Variants in NAGA observed in about 807,000 individuals in gnomAD.
The protein encoded by NAGA is Acetylgalactosaminidase, alpha-N- (alpha-galactosidase B).
A neutral mutation model predicts 45.6 loss-of-function variants in NAGA; 42 were observed. The ratio of observed to expected loss-of-function variants is 0.92; its 90% CI spans 0.72 to 1.19. The LOEUF (loss-of-function observed/expected upper bound fraction) is 1.19. NAGA is among the 50% of genes most tolerant of loss of function. The probability of loss-of-function intolerance (pLI) is 0.00; values close to 1 mark genes in which losing one functional copy is unlikely to be tolerated. For missense variants in NAGA, 493 were observed against 544.8 expected (o/e 0.90, Z 0.95); for synonymous variants, 176 against 203.1 (o/e 0.87, Z 1.13).
chr22:42,059,918 ACTC>A lies in NAGA; in HGVS notation c.*358_*360del. 1 of 337,568 alleles carries A rather than the reference ACTC, an allele frequency of 3.0e-6. No homozygotes were observed. Among genetic ancestry groups the A allele is most frequent in the Non-Finnish European group, 5.8e-6 (1 of 171,102 alleles). The allele number at this position is 337,568 out of a possible 1,614,324, so 20.9% of individuals were successfully genotyped here. ...TCCTGGCAAGAGGTCAGATCTCTCT[ACTC>A]CTAATTCGAAAACTTCCAAATCCTG... On this transcript the variant is annotated 3_prime_UTR_variant, in exon 9 of 9. Transcript: ENST00000396398.
Position 42,058,499 on chromosome 22 carries a change from AAT to A in NAGA, c.*1778_*1779del, listed in dbSNP as rs912022555. ...AGTCTGTATTTAACTGAAAAAAAAAAATAATTGCATTCCTAACTGGCCTTGAA... is the reference window on the plus strand; with the variant it reads ...AGTCTGTATTTAACTGAAAAAAAAAAAATTGCATTCCTAACTGGCCTTGAA... On this transcript the variant is annotated 3_prime_UTR_variant, in exon 9 of 9. Transcript: ENST00000396398. 1.3e-4 allele frequency: 20 copies of A among 150,898 alleles called. No individual in the cohort carries two copies. The highest frequency in any genetic ancestry group is 4.2e-4 in the African/African-American group (17 of 40,230). The allele number at this position is 150,898 out of a possible 1,614,324, so 9.3% of individuals were successfully genotyped here. A position where few individuals can be genotyped will look rare whatever the true frequency, so the allele number is the denominator to read the frequency against.
Position 42,070,598 on chromosome 22 carries a change from C to G in NAGA, c.-301G>C. Reference sequence around the variant, plus strand: ...GGAGTCCCGAGGGCCTACGGGCCGCCTTCGGCCCCGCCCGGGCTCAGAAAA... The same window carrying G: ...GGAGTCCCGAGGGCCTACGGGCCGCGTTCGGCCCCGCCCGGGCTCAGAAAA... On this transcript the variant is annotated 5_prime_UTR_variant, in exon 1 of 9. Coordinates refer to ENST00000396398, the MANE Select transcript of NAGA (RefSeq NM_000262.3). 1 of 538,456 alleles carries G rather than the reference C, an allele frequency of 1.9e-6. No homozygotes were observed. The highest frequency in any genetic ancestry group is 3.4e-6 in the Non-Finnish European group (1 of 298,284). 33.4% of individuals were successfully genotyped at this position (538,456 alleles called of 1,614,324 possible). A position where few individuals can be genotyped will look rare whatever the true frequency, so the allele number is the denominator to read the frequency against.
rs133375 is a variant in NAGA at position 42,070,505 on chromosome 22, C to G, written c.-208G>C. The G allele has an allele frequency of 0.65, 432,814 of 661,182 alleles. 143,710 individuals are homozygous for G. Among genetic ancestry groups the G allele is most frequent in the East Asian group, 0.85 (31,092 of 36,756 alleles). The allele number at this position is 661,182 out of a possible 1,614,324, so 41.0% of individuals were successfully genotyped here. A position where few individuals can be genotyped will look rare whatever the true frequency, so the allele number is the denominator to read the frequency against. On this transcript the variant is annotated 5_prime_UTR_variant, in exon 1 of 9. Transcript: ENST00000396398. ...CCCCAGCCATCACTTCCCGGAGCTT[C>G]AGTTCTTCCTTCAGAAATACGAAAC...
chr22:42,061,014 G>A lies in NAGA; in HGVS notation c.1011C>T (p.Ala337=). The A allele has an allele frequency of 6.2e-7, 1 of 1,614,240 alleles. No homozygotes were observed. Among genetic ancestry groups the A allele is most frequent in the Non-Finnish European group, 8.5e-7 (1 of 1,180,042 alleles). ...YMRPLSNKAS[A]LVFFSCRTDM... ...CGGTCCTGCAGCTGAAGAAGACTAAGGCGCTAGCCTTGTTGGACAGAGGCC... is the reference window on the plus strand; with the variant it reads ...CGGTCCTGCAGCTGAAGAAGACTAAAGCGCTAGCCTTGTTGGACAGAGGCC... Residue 337 remains alanine, a synonymous_variant, in exon 8 of 9, where the codon GCC becomes GCT. Transcript: ENST00000396398.
At chr22:42,067,378 C>T in intron 3 of NAGA, 88 bp from the exon 4 acceptor site, 1 of 1,523,766 alleles carries the variant, frequency 6.6e-7, no homozygotes, top group Non-Finnish European at 9.0e-7. Flanking sequence ...ATTAAACCTC[C>T]AGTGGCTCCC....
intron 6 of NAGA, among the ~76,000 whole-genome samples, chr22:42,064,203 G>A (rs1926578429): frequency 1.3e-5 from 2 of 151,898 alleles, no homozygotes; most frequent in Admixed American, 6.6e-5. Flanking sequence ...AGCCAGGCGT[G>A]GTGGCGCATG....
At chr22:42,069,887 C>T (rs1210768200) in intron 1 of NAGA, among the ~76,000 whole-genome samples, 2 of 152,226 alleles carry the variant, frequency 1.3e-5, no homozygotes, top group Non-Finnish European at 2.9e-5. Context: ...CTCTCTACCA[C>T]AGACCCTCAA....
intron 6 of NAGA, 98 bp from the exon 7 acceptor site, chr22:42,063,122 A>G: frequency 8.1e-7 from 1 of 1,240,894 alleles, no homozygotes; most frequent in Non-Finnish European, 1.1e-6. Context: ...GCAATTAGGG[A>G]TTAGGGAAAG....
rs779401359 is a variant in NAGA, at chr22:42,068,551, G to A, written c.40C>T (p.Gln14Ter). ...AGCCCATTGTCCAGCATCAGCACCT[G>A]GGCCACATGTCCCAGCAAGAGCACT... ...KTVLLLGHVA[Q>*]VLMLDNGLLQ... The change falls in exon 2 of 9, where the codon CAG becomes TAG. Residue 14 changes from glutamine (Q) to a stop codon, truncating the protein, a stop_gained. Transcript: ENST00000396398. LOFTEE classifies it high-confidence loss of function. The A allele has an allele frequency of 1.9e-6, 3 of 1,614,142 alleles. No individual in the cohort carries two copies. Among genetic ancestry groups the A allele is most frequent in the Non-Finnish European group, 2.5e-6 (3 of 1,180,026 alleles).
In NAGA at chr22:42,059,955, G is replaced by A. The variant is rs1267280963; in HGVS notation, c.*324C>T. On this transcript the variant is annotated 3_prime_UTR_variant, in exon 9 of 9. Transcript: ENST00000396398. The stretch of plus-strand genomic sequence containing the variant: ...AAAACTTCCAAATCCTGATTTCAGA[G>A]TCAACAGCAAGGTCAGAGGCTAGAG... 1 of 374,876 alleles carries A rather than the reference G, an allele frequency of 2.7e-6. No individual in the cohort carries two copies. Among genetic ancestry groups the A allele is most frequent in the East Asian group, 6.1e-5 (1 of 16,522 alleles). 23.2% of individuals were successfully genotyped at this position (374,876 alleles called of 1,614,324 possible). A position where few individuals can be genotyped will look rare whatever the true frequency, so the allele number is the denominator to read the frequency against.
At chr22:42,063,827 G>C (rs1333495536) in intron 6 of NAGA, among the ~76,000 whole-genome samples, 2 of 152,128 alleles carry the variant, frequency 1.3e-5, no homozygotes, top group African/African-American at 2.4e-5. Context: ...ACAGAGGCAG[G>C]TGAATCACTT....
chr22:42,066,653 G>A (rs976244558), intron 5 of NAGA, 57 bp downstream of exon 5: 12 of 1,492,778 alleles, frequency 8.0e-6, no homozygotes, highest in Non-Finnish European at 1.0e-5. Flanking sequence ...TGGCACTCAG[G>A]AGGTAAGGAG....
At chr22:42,068,650 A>G (rs1926886430) in intron 1 of NAGA, 76 bp from the exon 2 acceptor site, 2 of 1,586,012 alleles carry the variant, frequency 1.3e-6, no homozygotes, top group Non-Finnish European at 1.7e-6. Context: ...CCCCATCTGT[A>G]TGTTGCTCAG....
In NAGA at chr22:42,060,012, G is replaced by A. The variant is rs1926264725; in HGVS notation, c.*267C>T. On this transcript the variant is annotated 3_prime_UTR_variant, in exon 9 of 9. Coordinates refer to ENST00000396398, the MANE Select transcript of NAGA (RefSeq NM_000262.3). Reference sequence around the variant, plus strand: ...TGGGCATGGAGCTCAGGAGGCTGGCGAGTTGCTCAGCAACGTCTGTGGGGC... The same window carrying A: ...TGGGCATGGAGCTCAGGAGGCTGGCAAGTTGCTCAGCAACGTCTGTGGGGC... 6.2e-6 allele frequency: 3 copies of A among 480,486 alleles called. No individual in the cohort carries two copies. Among genetic ancestry groups the A allele is most frequent in the South Asian group, 4.1e-5 (2 of 48,518 alleles). 29.8% of individuals were successfully genotyped at this position (480,486 alleles called of 1,614,324 possible).
At chr22:42,065,525 C>T (rs1049355303) in intron 6 of NAGA, among the ~76,000 whole-genome samples, 4 of 152,238 alleles carry the variant, frequency 2.6e-5, no homozygotes, top group Non-Finnish European at 5.9e-5. Context: ...TAACAGTGTT[C>T]TTCCCCTGAA....
intron 7 of NAGA, 116 bp from the exon 8 acceptor site, chr22:42,061,183 G>T: frequency 1.5e-6 from 2 of 1,345,408 alleles, no homozygotes; most frequent in Non-Finnish European, 2.1e-6. Context: ...TGTCACACAG[G>T]TTTAGGGAGG....
At chr22:42,061,835 C>G (rs534825761) in intron 7 of NAGA, among the ~76,000 whole-genome samples, 37 of 151,730 alleles carry the variant, frequency 2.4e-4, no homozygotes, top group African/African-American at 8.9e-4. Flanking sequence ...ACCTGTAATC[C>G]CAGCTACCTG....
intron 6 of NAGA, among the ~76,000 whole-genome samples, 200 bp downstream of exon 6, chr22:42,065,538 T>C (rs1421785499): frequency 1.3e-5 from 2 of 152,320 alleles, no homozygotes; most frequent in African/African-American, 2.4e-5. Flanking sequence ...CCCCTGAACA[T>C]TGTGATGCAA....
intron 8 of NAGA, 145 bp from the exon 9 acceptor site, chr22:42,060,558 G>A: frequency 8.5e-7 from 1 of 1,179,422 alleles, no homozygotes; most frequent in South Asian, 1.3e-5. Context: ...TGGGAGCCCT[G>A]AATCCCCATC....
Sources: allele counts gnomAD v4.1 joint callset (sites outside exome capture counted in the v4.1 genomes callset), GRCh38; gene constraint gnomAD v4.1.1; transcripts MANE v1.5; gene names NCBI Gene and HGNC (gene_info 2026-07-23, HGNC 2026-07-21).